The following PTBP3 variants were observed in gnomAD, a reference collection of about 807,000 sequenced individuals.
PTBP3 encodes the protein polypyrimidine tract-binding protein 3.
In PTBP3, 20 loss-of-function variants were observed where a neutral mutation model predicts 58.7. The observed-to-expected ratio is 0.34, with a 90% CI of 0.24 to 0.50. PTBP3 has a LOEUF of 0.50. Among genes scored for constraint, PTBP3 ranks in the 20% least tolerant of loss-of-function variants. The pLI is 0.98. For missense variants in PTBP3, 509 were observed against 637.2 expected (o/e 0.80, Z 2.17); for synonymous variants, 185 against 219.8 (o/e 0.84, Z 1.40).
intron 1 of PTBP3, among the ~76,000 whole-genome samples, chr9:112,330,719 G>A (rs1830335311): frequency 6.6e-6 from 1 of 152,134 alleles, no homozygotes; most frequent in African/African-American, 2.4e-5. Flanking sequence ...TAGTATTTAG[G>A]AAAGTATAGT....
chr9:112,333,089 C>G lies in PTBP3; in HGVS notation c.-52+381G>C, dbSNP rs996673225. 6 of 1,278,122 alleles carry G rather than the reference C, an allele frequency of 4.7e-6. No homozygotes were observed. In the African/African-American group the frequency reaches 7.8e-5, roughly 17 times the overall value. 79.2% of individuals were successfully genotyped at this position (1,278,122 alleles called of 1,614,324 possible). On this transcript the variant is annotated intron_variant, in intron 1 of 13. Transcript: ENST00000374257. ...GCCCCGCGCGCCGCCTCCGCCTCCC[C>G]CAGCGCCGCGCACCATTTTCTGAGA...
At chr9:112,233,924 T>C (rs1564393533) in intron 8 of PTBP3, among the ~76,000 whole-genome samples, 1 of 117,374 alleles carries the variant, frequency 8.5e-6, no homozygotes, top group Non-Finnish European at 1.7e-5. Context: ...GAGTGAGCTA[T>C]CTGTCTCACA....
the PTBP3 span, among the ~76,000 whole-genome samples, chr9:112,357,717 T>C: frequency 1.3e-5 from 2 of 152,184 alleles, no homozygotes; most frequent in African/African-American, 4.8e-5. Flanking sequence ...ATGTGTTGCG[T>C]TGAATTGTCA....
At chr9:112,352,557 C>T in the PTBP3 span, among the ~76,000 whole-genome samples, 72,247 of 151,964 alleles carry the variant, frequency 0.48, 17,450 homozygotes, top group African/African-American at 0.56. Flanking sequence ...TCCTTAACGT[C>T]TGAAAATGAA....
upstream of PTBP3, among the ~76,000 whole-genome samples, chr9:112,333,903 C>T (rs1830500586): frequency 1.3e-5 from 2 of 148,242 alleles, no homozygotes; most frequent in South Asian, 2.1e-4. Flanking sequence ...CGCGGGAGCG[C>T]GCGCCTTGTG....
rs73541759 is a variant in PTBP3 at position 112,300,959 on chromosome 9, T to A, written c.-51-3043A>T. On this transcript the variant is annotated intron_variant, in intron 1 of 13. Transcript: ENST00000374257. ...TAAATAAAAATAAAAACAAAAAAAA[T>A]GGATTATCAAAACCAAAAGCACGAA... 9.4e-3 allele frequency among the ~76,000 whole-genome samples: 1,370 copies of A among 146,174 alleles called. 26 individuals are homozygous for A. The highest frequency in any genetic ancestry group is 0.033 in the African/African-American group (1,285 of 38,908).
the PTBP3 span, among the ~76,000 whole-genome samples, chr9:112,354,545 A>G: frequency 2.6e-5 from 4 of 152,238 alleles, no homozygotes; most frequent in Admixed American, 6.5e-5. Flanking sequence ...TCAGAGGATA[A>G]TAAGTCCTCA....
At chr9:112,296,656 T>C (rs1449511417) in intron 2 of PTBP3, among the ~76,000 whole-genome samples, 1 of 152,200 alleles carries the variant, frequency 6.6e-6, no homozygotes, top group East Asian at 1.9e-4. Context: ...TTTCATGATG[T>C]TGAGACCAGG....
chr9:112,334,987 C>A (rs1447046618), upstream of PTBP3, among the ~76,000 whole-genome samples: 3 of 152,134 alleles, frequency 2.0e-5, no homozygotes, highest in Non-Finnish European at 4.4e-5. Flanking sequence ...TATTAAGTTG[C>A]ATTTGTAAAC....
intron 1 of PTBP3, among the ~76,000 whole-genome samples, chr9:112,322,836 C>T (rs889140150): frequency 1.3e-5 from 2 of 152,254 alleles, no homozygotes; most frequent in African/African-American, 2.4e-5. Flanking sequence ...AGTTGTTTTT[C>T]AGTTGCTATG....
chr9:112,279,320 A>G (rs1391667182), intron 2 of PTBP3, among the ~76,000 whole-genome samples: 1 of 152,220 alleles, frequency 6.6e-6, no homozygotes, highest in Non-Finnish European at 1.5e-5. Context: ...GTATTTTACT[A>G]AACTATACAT....
chr9:112,356,044 T>G, the PTBP3 span, among the ~76,000 whole-genome samples: 4 of 151,388 alleles, frequency 2.6e-5, no homozygotes, highest in East Asian at 7.7e-4. Context: ...TCTTCCTTTC[T>G]TCCTCCCTCC....
intron 1 of PTBP3, among the ~76,000 whole-genome samples, chr9:112,304,146 AAC>A (rs1829068647): frequency 6.6e-6 from 1 of 152,158 alleles, no homozygotes; most frequent in Non-Finnish European, 1.5e-5. Flanking sequence ...CAGCCTGGGC[AAC>A]AGAGTCAGAC....
chr9:112,372,532 G>C, the PTBP3 span, among the ~76,000 whole-genome samples: 1 of 152,000 alleles, frequency 6.6e-6, no homozygotes, highest in African/African-American at 2.4e-5. Flanking sequence ...ACCCCAAAAC[G>C]AAACTCCATA....
intron 7 of PTBP3, among the ~76,000 whole-genome samples, chr9:112,236,412 C>A (rs1452343723): frequency 6.6e-6 from 1 of 152,114 alleles, no homozygotes; most frequent in African/African-American, 2.4e-5. Context: ...TAAACTTACA[C>A]ACAAGCAAGC....
At position 112,245,697 on chromosome 9, in the gene PTBP3, A is replaced by G. The variant is rs563495938; in HGVS notation, c.802+5232T>C. Among the ~76,000 whole-genome samples, 22 of 152,322 alleles carry G rather than the reference A, an allele frequency of 1.4e-4. No homozygotes were observed. The South Asian group carries it at 4.6e-3, about 32-fold the overall frequency. The stretch of plus-strand genomic sequence containing the variant: ...GGCTGATTCCAGTGCCAGGTTGGGT[A>G]AAGAAGATCTGGAATATCTAGTGCT... On this transcript the variant is annotated intron_variant, in intron 7 of 13. Coordinates refer to ENST00000374257, the MANE Select transcript of PTBP3 (RefSeq NM_001163788.4).
At chr9:112,342,088 G>A in the PTBP3 span, among the ~76,000 whole-genome samples, 1 of 152,192 alleles carries the variant, frequency 6.6e-6, no homozygotes, top group Non-Finnish European at 1.5e-5. Flanking sequence ...AAAAAAGGCA[G>A]AGGAAAGGCA....
chr9:112,250,308 G>A lies in PTBP3; in HGVS notation c.802+621C>T, dbSNP rs372414136. Among the ~76,000 whole-genome samples the A allele has an allele frequency of 5.9e-5, 9 of 152,026 alleles. No homozygotes were observed. The East Asian group carries it at 1.5e-3, about 26-fold the overall frequency. ...AAAGTAGCATATACTAACCTAATAAGATATTCAAACTGGGCCATCCATTGC... is the reference window on the plus strand; with the variant it reads ...AAAGTAGCATATACTAACCTAATAAAATATTCAAACTGGGCCATCCATTGC... On this transcript the variant is annotated intron_variant, in intron 7 of 13. Transcript: ENST00000374257.
chr9:112,373,909 T>A, the PTBP3 span, among the ~76,000 whole-genome samples: 1 of 152,238 alleles, frequency 6.6e-6, no homozygotes, highest in Admixed American at 6.5e-5. Context: ...ATAGCTGGTA[T>A]TGATGACTAT....
Sources: gnomAD v4.1 joint callset for allele counts (sites outside exome capture counted in the v4.1 genomes callset) on GRCh38, gnomAD v4.1.1 for gene constraint, MANE v1.5 for transcripts, NCBI Gene and HGNC (gene_info 2026-07-23, HGNC 2026-07-21) for gene names.